The following FGF14 variants were observed in gnomAD, a reference collection of about 807,000 sequenced individuals.
The protein encoded by FGF14 is fibroblast growth factor homologous factor 4.
Under a neutral mutation model 25.5 loss-of-function variants are expected in FGF14, and 5 were observed. The ratio of observed to expected loss-of-function variants is 0.20; its 90% confidence interval spans 0.10 to 0.41. The LOEUF (loss-of-function observed/expected upper bound fraction) is 0.41, where lower values mean the gene tolerates loss of function less well. FGF14 is among the 10% of genes least tolerant of loss of function. The probability of loss-of-function intolerance (pLI) is 1.00; values close to 1 mark genes in which losing one functional copy is unlikely to be tolerated. For missense variants in FGF14, 222 were observed against 320.1 expected, an observed-to-expected ratio of 0.69 and a Z score of 2.34; for synonymous variants, 138 against 118.3, an observed-to-expected ratio of 1.17 and a Z score of -1.08.
intron 3 of FGF14, among the ~76,000 whole-genome samples, chr13:101,729,374 C>T (rs1389191254): frequency 6.6e-6 from 1 of 152,062 alleles, no homozygotes; most frequent in East Asian, 1.9e-4. Context: ...TCCTATAGAA[C>T]CGATAGAACC....
At chr13:102,247,700 G>A (rs1367012834) in intron 1 of FGF14, among the ~76,000 whole-genome samples, 1 of 152,070 alleles carries the variant, frequency 6.6e-6, no homozygotes, top group Non-Finnish European at 1.5e-5. Context: ...AAAGAGCTAA[G>A]AACAGAACTA....
intron 3 of FGF14, among the ~76,000 whole-genome samples, chr13:101,791,095 G>A (rs2040208335): frequency 6.6e-6 from 1 of 152,098 alleles, no homozygotes; most frequent in African/African-American, 2.4e-5. Flanking sequence ...ACACTTGGTG[G>A]GCAAGGAAGT....
chr13:101,751,119 T>C (rs550213089), intron 3 of FGF14, among the ~76,000 whole-genome samples: 78 of 152,062 alleles, frequency 5.1e-4, no homozygotes, highest in Non-Finnish European at 9.7e-4. Context: ...ACTATAATGG[T>C]AGATACATGT....
chr13:101,943,462 T>C (rs1854462057), intron 1 of FGF14, among the ~76,000 whole-genome samples: 1 of 152,204 alleles, frequency 6.6e-6, no homozygotes, highest in Non-Finnish European at 1.5e-5. Flanking sequence ...TGACATCTAG[T>C]TGGTAGAAGC....
At chr13:102,345,048 A>G (rs2057063610) in intron 1 of FGF14, among the ~76,000 whole-genome samples, 1 of 152,194 alleles carries the variant, frequency 6.6e-6, no homozygotes, top group Non-Finnish European at 1.5e-5. Flanking sequence ...GTGAGGGGCC[A>G]TGTAATACAA....
At chr13:102,277,981 A>G (rs1566892932) in intron 1 of FGF14, among the ~76,000 whole-genome samples, 1 of 152,214 alleles carries the variant, frequency 6.6e-6, no homozygotes, top group Non-Finnish European at 1.5e-5. Context: ...CCCAGAATCA[A>G]ATACAAGCCT....
In FGF14 at chr13:102,125,105, T is replaced by G. The variant is rs140704579; in HGVS notation, c.209-249809A>C. On this transcript the variant is annotated intron_variant, in intron 1 of 4. Coordinates refer to the FGF14 transcript ENST00000376131. The stretch of plus-strand genomic sequence containing the variant: ...TTTTGAAAAACTTTAAACTGTGGAT[T>G]GCTTCATCTTTTGGTAAGCTAAACT... Among the ~76,000 whole-genome samples the G allele has an allele frequency of 1.5e-3, 225 of 152,268 alleles. 1 individual carries two copies. The highest frequency in any genetic ancestry group is 5.2e-3 in the African/African-American group (215 of 41,582).
chr13:102,246,751 CAT>C (rs34759741), intron 1 of FGF14, among the ~76,000 whole-genome samples: 6,781 of 147,900 alleles, frequency 0.046, 497 homozygotes, highest in African/African-American at 0.16. Context: ...TTATATGGAA[CAT>C]ATATATATAT....
In FGF14 at chr13:102,229,428, T is replaced by C. The variant is rs537702669; in HGVS notation, c.208+172043A>G. ...GATGATGTGTGGCGCAGAGACATGGTGATGAATAGGAGAAATGAACTTATA... is the reference window on the plus strand; with the variant it reads ...GATGATGTGTGGCGCAGAGACATGGCGATGAATAGGAGAAATGAACTTATA... On this transcript the variant is annotated intron_variant, in intron 1 of 4. Transcript: ENST00000376131. Among the ~76,000 whole-genome samples the C allele has an allele frequency of 1.6e-4, 25 of 152,326 alleles. 1 individual carries two copies. The South Asian group carries it at 5.2e-3, about 32-fold the overall frequency.
chr13:101,816,138 C>T (rs2041833371), intron 3 of FGF14, among the ~76,000 whole-genome samples: 1 of 151,108 alleles, frequency 6.6e-6, no homozygotes, highest in African/African-American at 2.4e-5. Flanking sequence ...GGCGTGTTGG[C>T]GGGCGCCTGT....
chr13:102,227,709 C>A (rs1336692), intron 1 of FGF14, among the ~76,000 whole-genome samples: 122,954 of 152,124 alleles, frequency 0.81, 50,077 homozygotes, highest in African/African-American at 0.91. Flanking sequence ...GACTTCTTGC[C>A]ACGTAGAATA....
intron 3 of FGF14, among the ~76,000 whole-genome samples, chr13:101,759,131 A>G (rs912145221): frequency 2.0e-5 from 3 of 152,180 alleles, no homozygotes; most frequent in Non-Finnish European, 2.9e-5. Context: ...GCATCCAAAC[A>G]CACGTTGATT....
intron 1 of FGF14, among the ~76,000 whole-genome samples, chr13:102,074,100 C>G (rs2043258730): frequency 6.6e-6 from 1 of 152,276 alleles, no homozygotes; most frequent in Admixed American, 6.5e-5. Flanking sequence ...CAGCTTCAAC[C>G]TCCTGGGCTT....
chr13:102,106,294 G>T (rs2044907766), intron 1 of FGF14, among the ~76,000 whole-genome samples: 1 of 152,054 alleles, frequency 6.6e-6, no homozygotes, highest in African/African-American at 2.4e-5. Context: ...GCCTTGGCCA[G>T]GCGCAGTGCC....
At chr13:102,175,096 C>A (rs2048392657) in intron 1 of FGF14, among the ~76,000 whole-genome samples, 1 of 152,060 alleles carries the variant, frequency 6.6e-6, no homozygotes, top group South Asian at 2.1e-4. Context: ...AAAAACAATT[C>A]TAAAATTCCT....
chr13:101,787,522 G>A (rs1452581647), intron 3 of FGF14, among the ~76,000 whole-genome samples: 1 of 152,182 alleles, frequency 6.6e-6, no homozygotes. Flanking sequence ...GGAAAAAAAG[G>A]ATTGTGTCTG....
intron 1 of FGF14, among the ~76,000 whole-genome samples, chr13:102,362,671 GTC>G (rs989852871): frequency 1.3e-5 from 2 of 152,116 alleles, no homozygotes; most frequent in Admixed American, 6.5e-5. Context: ...ATAAATCTGT[GTC>G]TCTCTTTCTC....
At chr13:102,343,320 C>T (rs967619552) in intron 1 of FGF14, among the ~76,000 whole-genome samples, 49 of 151,980 alleles carry the variant, frequency 3.2e-4, no homozygotes, top group African/African-American at 1.2e-3. Context: ...TTGGTCAATC[C>T]CTGGGGAGGA....
intron 1 of FGF14, among the ~76,000 whole-genome samples, chr13:102,153,284 C>T (rs1250760333): frequency 2.0e-5 from 3 of 152,010 alleles, no homozygotes; most frequent in African/African-American, 7.2e-5. Flanking sequence ...ATGTAGATGC[C>T]CCTGATACGC....
Sources: allele counts gnomAD v4.1 joint callset (sites outside exome capture counted in the v4.1 genomes callset), GRCh38; gene constraint gnomAD v4.1.1; transcripts MANE v1.5; gene names NCBI Gene and HGNC (gene_info 2026-07-23, HGNC 2026-07-21).